The following DCTN1 variants were observed in gnomAD, a reference collection of about 807,000 sequenced individuals.
DCTN1 encodes the protein dynactin subunit 1.
In DCTN1, 61 loss-of-function variants were observed where a neutral mutation model predicts 161.2. The observed-to-expected ratio is 0.38, with a 90% confidence interval of 0.31 to 0.47. The LOEUF (loss-of-function observed/expected upper bound fraction) is 0.47. DCTN1 is among the 20% of genes least tolerant of loss of function. The pLI is 0.99. For synonymous variants in DCTN1, 653 were observed against 632.4 expected (o/e 1.03, Z -0.49); for missense variants, 1,404 against 1,623.7 (o/e 0.86, Z 2.33).
intron 1 of DCTN1, among the ~76,000 whole-genome samples, 154 bp downstream of exon 1, chr2:74,379,851 C>T (rs1675428827): frequency 6.6e-6 from 1 of 152,128 alleles, no homozygotes; most frequent in Non-Finnish European, 1.5e-5. Context: ...CAGCCTTACA[C>T]CACCAGGGCT....
chr2:74,383,184 C>CT (rs1675590120), upstream of DCTN1, among the ~76,000 whole-genome samples: 1 of 152,146 alleles, frequency 6.6e-6, no homozygotes, highest in South Asian at 2.1e-4. Flanking sequence ...GCAGAAATAA[C>CT]TTTGCTTGAC....
intron 28 of DCTN1, 58 bp from the exon 29 acceptor site, chr2:74,363,235 T>C (rs549294474): frequency 1.3e-5 from 21 of 1,614,054 alleles, no homozygotes; most frequent in Non-Finnish European, 1.7e-5. Context: ...CTGTCATCTA[T>C]CATCAATGGG....
At chr2:74,367,480 CA>C in intron 18 of DCTN1, 60 bp from the exon 19 acceptor site, 1 of 1,592,856 alleles carries the variant, frequency 6.3e-7, no homozygotes, top group Admixed American at 1.7e-5. Context: ...GAGTTCTTCC[CA>C]AACTGTAGTT....
intron 29 of DCTN1, 99 bp from the exon 30 acceptor site, chr2:74,362,828 C>T: frequency 7.5e-7 from 1 of 1,328,780 alleles, no homozygotes; most frequent in South Asian, 1.2e-5. Context: ...TCTAACAGAA[C>T]AAGTACTTGA....
intron 1 of DCTN1, among the ~76,000 whole-genome samples, chr2:74,389,586 T>C (rs952378227): frequency 6.6e-6 from 1 of 152,236 alleles, no homozygotes; most frequent in Non-Finnish European, 1.5e-5. Flanking sequence ...ACCCTCATGG[T>C]CAGTCAGGCC....
Position 74,362,085 on chromosome 2 carries a change from G to A in DCTN1, c.3666C>T (p.Asp1222=), listed in dbSNP as rs1573138492. ...SQRPGATVPT[D]FATFPSSAFL... is the part of the protein sequence containing the mutation. ...AGGCTGATGAAGGGAAGGTGGCAAAGTCAGTGGGTACTGTGGCTCCAGGGC... is the reference window on the plus strand; with the variant it reads ...AGGCTGATGAAGGGAAGGTGGCAAAATCAGTGGGTACTGTGGCTCCAGGGC... Residue 1222 remains aspartate (D), a synonymous_variant, in exon 31 of 32, where the codon GAC becomes GAT. Transcript: ENST00000628224. The A allele has an allele frequency of 4.3e-6, 7 of 1,613,768 alleles. No homozygotes were observed. The highest frequency in any genetic ancestry group is 5.9e-6 in the Non-Finnish European group (7 of 1,179,884).
intron 15 of DCTN1, 83 bp from the exon 16 acceptor site, chr2:74,368,963 T>C: frequency 1.9e-6 from 3 of 1,584,434 alleles, no homozygotes; most frequent in South Asian, 1.1e-5. Flanking sequence ...GTAGATCCCT[T>C]GCTTCTAGGG....
In DCTN1 at chr2:74,365,499, AG is replaced by A. The variant is rs1674337926; in HGVS notation, c.3029+15del. ...GGAGGATTAGAGGAAGCAAGGCCCCAGGGAAAGTGCCTGACTTCTCCTTCTT... is the reference window on the plus strand; with the variant it reads ...GGAGGATTAGAGGAAGCAAGGCCCCAGGAAAGTGCCTGACTTCTCCTTCTT... On this transcript the variant is annotated intron_variant, in intron 25 of 31. Coordinates refer to ENST00000628224, the MANE Select transcript of DCTN1 (RefSeq NM_004082.5). 6.2e-7 allele frequency: 1 copy of A among 1,614,004 alleles called. No homozygotes were observed. The highest frequency in any genetic ancestry group is 8.5e-7 in the Non-Finnish European group (1 of 1,180,018).
chr2:74,379,854 C>G (rs1675429032), intron 1 of DCTN1, 151 bp downstream of exon 1: 2 of 802,162 alleles, frequency 2.5e-6, no homozygotes, highest in Non-Finnish European at 4.2e-6. Flanking sequence ...CCTTACACCA[C>G]CAGGGCTTCG....
At chr2:74,363,687 TG>T in intron 26 of DCTN1, 59 bp from the exon 27 acceptor site, 1 of 1,608,368 alleles carries the variant, frequency 6.2e-7, no homozygotes, top group Non-Finnish European at 8.5e-7. Context: ...TTAGGTGATT[TG>T]GGGGTTACGG....
Position 74,361,462 on chromosome 2 carries a change from G to A in DCTN1, c.*37C>T, listed in dbSNP as rs769386100. On this transcript the variant is annotated 3_prime_UTR_variant, in exon 32 of 32. Coordinates refer to ENST00000628224, the MANE Select transcript of DCTN1 (RefSeq NM_004082.5). ...GCATCGGGCAGAGCGGCACCAGAGG[G>A]CTGAGGGTCGAAGGGGACAGCAGGG... The A allele has an allele frequency of 1.9e-6, 3 of 1,613,434 alleles. No individual in the cohort carries two copies. In the African/African-American group the frequency reaches 4.0e-5, roughly 22 times the overall value.
chr2:74,391,264 C>T lies in DCTN1; in HGVS notation c.-19+530G>A, dbSNP rs1181303433. On this transcript the variant is annotated intron_variant, in intron 1 of 27. Transcript: ENST00000409240. ...TGACGGTAAGTTTTCAAATCCCTGC[C>T]TCTGAAACAGCAGAGATCCTTATCT... 4 of 157,664 alleles carry T rather than the reference C, an allele frequency of 2.5e-5. No homozygotes were observed. The East Asian group carries it at 7.5e-4, about 30-fold the overall frequency. 9.8% of individuals were successfully genotyped at this position (157,664 alleles called of 1,614,324 possible).
rs780186070 is a variant in DCTN1 at position 74,365,856 on chromosome 2, TC to T, written c.2886+36del. On this transcript the variant is annotated intron_variant, in intron 24 of 31. Coordinates refer to ENST00000628224, the MANE Select transcript of DCTN1 (RefSeq NM_004082.5). ...ACTGCTTTCCTGAGTCCTACCAATT[TC>T]CTGGCCCCCAGATCCTGAGCCTACA... 17 of 1,613,984 alleles carry T rather than the reference TC, an allele frequency of 1.1e-5. No individual in the cohort carries two copies. In the South Asian group the frequency reaches 1.9e-4, roughly 18 times the overall value.
chr2:74,378,892 A>C (rs1371580453), intron 1 of DCTN1: 2 of 153,094 alleles, frequency 1.3e-5, no homozygotes, highest in Non-Finnish European at 2.9e-5. Context: ...CAACCATTCA[A>C]CTCCCCTTCT....
At chr2:74,367,617 C>T in intron 18 of DCTN1, 79 bp downstream of exon 18, 2 of 1,603,234 alleles carry the variant, frequency 1.2e-6, no homozygotes, top group Non-Finnish European at 1.7e-6. Context: ...GACATACAAC[C>T]TTGAATATAT....
chr2:74,370,506 G>A lies in DCTN1; in HGVS notation c.1087C>T (p.Leu363Phe). Reference protein sequence around the residue: ...GAASSYQLKQLEEQNARLKDA... With the variant: ...GAASSYQLKQFEEQNARLKDA... Reference sequence around the variant, plus strand: ...TTCAGGCGGGCATTCTGCTCCTCAAGCTGCTTGAGCTGATAACTGGATGCA... The same window carrying A: ...TTCAGGCGGGCATTCTGCTCCTCAAACTGCTTGAGCTGATAACTGGATGCA... The change falls in exon 11 of 32, where the codon CTT becomes TTT. Residue 363 changes from leucine to phenylalanine, a missense_variant. This residue lies in a region of DCTN1 where 278 missense variants were observed against 363.8 expected (regional missense o/e 0.76). Coordinates refer to ENST00000628224, the MANE Select transcript of DCTN1 (RefSeq NM_004082.5). This position sits in a 1 kb window ranked among gnomAD's most constrained non-coding sequence, Gnocchi z 4.4. 1 of 1,614,178 alleles carries A rather than the reference G, an allele frequency of 6.2e-7. No homozygotes were observed. The highest frequency in any genetic ancestry group is 8.5e-7 in the Non-Finnish European group (1 of 1,180,046).
chr2:74,391,693 C>T (rs963770341), intron 1 of DCTN1: 14 of 415,468 alleles, frequency 3.4e-5, no homozygotes, highest in Non-Finnish European at 5.8e-5. Flanking sequence ...TGCCAGTCCC[C>T]GCCCCGCACA....
rs1235352806 is a variant in DCTN1, at chr2:74,363,881, A to G, written c.3197-253T>C. The G allele has an allele frequency of 7.9e-5, 47 of 593,606 alleles. No homozygotes were observed. In the South Asian group the frequency reaches 8.5e-4, roughly 11 times the overall value. The allele number at this position is 593,606 out of a possible 1,614,324, so 36.8% of individuals were successfully genotyped here. ...CAATGTGTGAAGAACAGTGGCAAAG[A>G]GAGTGTGCACTGTACAAAGTACTTG... On this transcript the variant is annotated intron_variant, in intron 26 of 31. Transcript: ENST00000628224.
chr2:74,371,757 A>T, intron 7 of DCTN1, 29 bp from the exon 8 acceptor site: 1 of 1,587,082 alleles, frequency 6.3e-7, no homozygotes, highest in Non-Finnish European at 8.6e-7. Context: ...GGCAGACCAG[A>T]AAGAAAGCAG....
Sources: gnomAD v4.1 joint callset for allele counts (sites outside exome capture counted in the v4.1 genomes callset) on GRCh38, gnomAD v4.1.1 for gene constraint, gnomAD v4.1.1 regional missense constraint, Gnocchi (gnomAD v3.1) non-coding constraint, MANE v1.5 for transcripts, NCBI Gene and HGNC (gene_info 2026-07-23, HGNC 2026-07-21) for gene names.